Variants in AGBL1 observed in about 807,000 individuals in gnomAD.
AGBL1 encodes the protein cytosolic carboxypeptidase 4.
In AGBL1, 130 loss-of-function variants were observed where a neutral mutation model predicts 118.9. That is an observed-to-expected ratio of 1.09 (90% CI 0.95 to 1.26). The LOEUF (loss-of-function observed/expected upper bound fraction) is 1.26, where lower values mean the gene tolerates loss of function less well. Ranked by LOEUF, AGBL1 falls within the 50% of genes most tolerant of loss-of-function variation. The pLI, the probability that AGBL1 is intolerant of heterozygous loss-of-function variation, is 0.00. For synonymous variants in AGBL1, 555 were observed against 478.9 expected (o/e 1.16, Z -2.08); for missense variants, 1,584 against 1,298.1 (o/e 1.22, Z -3.38).
intron 21 of AGBL1, among the ~76,000 whole-genome samples, chr15:86,628,828 T>C (rs2084925187): frequency 6.6e-6 from 1 of 152,170 alleles, no homozygotes. Flanking sequence ...ATTTGATTTA[T>C]TTTTAAATGT....
intron 5 of AGBL1, among the ~76,000 whole-genome samples, chr15:86,196,135 A>G (rs77341964): frequency 0.027 from 4,168 of 152,318 alleles, 77 homozygotes; most frequent in East Asian, 0.074. Context: ...AATATTTCAA[A>G]TAAATTATAT....
chr15:86,330,799 G>GA (rs904469383), intron 17 of AGBL1, among the ~76,000 whole-genome samples: 1 of 151,638 alleles, frequency 6.6e-6, no homozygotes, highest in Admixed American at 6.6e-5. Flanking sequence ...TCTGGAATTG[G>GA]AAAAAAAATT....
chr15:86,534,035 C>T (rs548327078), intron 19 of AGBL1, among the ~76,000 whole-genome samples: 10 of 122,466 alleles, frequency 8.2e-5, no homozygotes, highest in East Asian at 2.6e-4. Flanking sequence ...GTGGGTGCAG[C>T]GCACCAGCAT....
chr15:86,412,986 C>T (rs1315407966), intron 18 of AGBL1, among the ~76,000 whole-genome samples: 1 of 152,072 alleles, frequency 6.6e-6, no homozygotes, highest in Non-Finnish European at 1.5e-5. Flanking sequence ...TGTCCCAGGC[C>T]ATTCAGAACA....
chr15:86,609,591 G>A (rs767537640), intron 21 of AGBL1, among the ~76,000 whole-genome samples: 8 of 152,120 alleles, frequency 5.3e-5, no homozygotes, highest in Non-Finnish European at 1.2e-4. Flanking sequence ...TCAATCATAG[G>A]ACACATTGCA....
chr15:86,487,654 C>G (rs2082730114), intron 18 of AGBL1, among the ~76,000 whole-genome samples: 1 of 151,924 alleles, frequency 6.6e-6, no homozygotes, highest in Non-Finnish European at 1.5e-5. Flanking sequence ...TGCCAGACAG[C>G]AAGCTTAATG....
At chr15:86,176,038 T>A (rs565483581) in intron 5 of AGBL1, among the ~76,000 whole-genome samples, 1 of 152,256 alleles carries the variant, frequency 6.6e-6, no homozygotes, top group South Asian at 2.1e-4. Context: ...GTTTTTTTGC[T>A]GATTTTCTGT....
At chr15:86,593,994 C>G (rs1258934837) in intron 21 of AGBL1, among the ~76,000 whole-genome samples, 2 of 151,948 alleles carry the variant, frequency 1.3e-5, no homozygotes, top group African/African-American at 4.8e-5. Flanking sequence ...GCAATCATAG[C>G]TCACTGCAGC....
chr15:86,477,945 C>G (rs181856226), intron 18 of AGBL1, among the ~76,000 whole-genome samples: 200 of 152,218 alleles, frequency 1.3e-3, no homozygotes, highest in African/African-American at 4.5e-3. Flanking sequence ...AATCAAGAAA[C>G]ATAATCCAGC....
At chr15:86,651,451 T>A (rs532846018) in intron 21 of AGBL1, among the ~76,000 whole-genome samples, 1 of 152,338 alleles carries the variant, frequency 6.6e-6, no homozygotes, top group South Asian at 2.1e-4. Context: ...AGAAATGGCA[T>A]GGCTTTCCTT....
chr15:86,763,378 A>G (rs1026315144), intron 22 of AGBL1, among the ~76,000 whole-genome samples: 3 of 152,038 alleles, frequency 2.0e-5, no homozygotes, highest in Non-Finnish European at 4.4e-5. Context: ...ATCCTCAATG[A>G]ATTGCAGTAG....
In AGBL1 at chr15:86,579,429, T is replaced by C; in HGVS notation, c.2994+24892T>C. Among the ~76,000 whole-genome samples the C allele has an allele frequency of 1.3e-5, 2 of 152,208 alleles. 1 individual carries two copies. On this transcript the variant is annotated intron_variant, in intron 21 of 22. Transcript: ENST00000614907. ...GACTGTTAAAAACGTGAATGTGATATTAGATTATGTTAAAATTATCATAGT... is the reference window on the plus strand; with the variant it reads ...GACTGTTAAAAACGTGAATGTGATACTAGATTATGTTAAAATTATCATAGT...
rs1011475203 is a variant in AGBL1, at chr15:86,991,770, T to C, written c.3323+3682T>C. On this transcript the variant is annotated intron_variant, in intron 24 of 24. Transcript: ENST00000441037. ...CTGCGTATGGTTTCCTCACACATTC[T>C]GGTCAATAGAAATTCCCTCAGTAAT... 2.0e-4 allele frequency among the ~76,000 whole-genome samples: 30 copies of C among 152,178 alleles called. No homozygotes were observed. In the South Asian group the frequency reaches 5.8e-3, roughly 29 times the overall value.
intron 18 of AGBL1, among the ~76,000 whole-genome samples, chr15:86,448,577 C>T (rs16977263): frequency 0.045 from 6,799 of 152,262 alleles, 206 homozygotes; most frequent in South Asian, 0.097. Context: ...TCTGGGAATA[C>T]TGATATGACA....
intron 1 of AGBL1, chr15:86,109,732 G>C (rs546032823): frequency 1.3e-5 from 2 of 152,290 alleles, no homozygotes; most frequent in Admixed American, 6.5e-5. Flanking sequence ...GCAGATTCCA[G>C]CTCTGTCCAT....
intron 21 of AGBL1, among the ~76,000 whole-genome samples, chr15:86,672,742 GA>G (rs35191321): frequency 0.48 from 72,984 of 151,958 alleles, 18,212 homozygotes; most frequent in Non-Finnish European, 0.55. Flanking sequence ...ATTGACTTAA[GA>G]AAAAAACAAC....
At chr15:86,375,411 T>C (rs1053232933) in intron 17 of AGBL1, among the ~76,000 whole-genome samples, 7 of 151,634 alleles carry the variant, frequency 4.6e-5, no homozygotes, top group Non-Finnish European at 1.0e-4. Context: ...TGGGGGAGAC[T>C]GCCCCCATGA....
chr15:86,108,498 C>T (rs568691206), intron 1 of AGBL1, among the ~76,000 whole-genome samples: 1 of 152,250 alleles, frequency 6.6e-6, no homozygotes, highest in Non-Finnish European at 1.5e-5. Context: ...CTCCTGTAGT[C>T]CCAGGACATT....
rs201879697 is a variant in AGBL1, at chr15:86,499,261, T to G, written c.2556-23549T>G. 2.0e-5 allele frequency among the ~76,000 whole-genome samples: 3 copies of G among 152,052 alleles called. No individual in the cohort carries two copies. The East Asian group carries it at 5.8e-4, about 29-fold the overall frequency. ...AAAGGGAATAATGATAATTTTTGCC[T>G]GGCATAGAAAAACACGCTATTGTTA... On this transcript the variant is annotated intron_variant, in intron 18 of 22. Transcript: ENST00000614907.
Sources: gnomAD v4.1 joint callset for allele counts (sites outside exome capture counted in the v4.1 genomes callset) on GRCh38, gnomAD v4.1.1 for gene constraint, MANE v1.5 for transcripts, NCBI Gene and HGNC (gene_info 2026-07-23, HGNC 2026-07-21) for gene names.